SMAD7: variants seen among roughly 807,000 people sequenced by gnomAD.
The protein encoded by SMAD7 is MAD (mothers against decapentaplegic, Drosophila) homolog 7.
In SMAD7, 8 loss-of-function variants were observed where a neutral mutation model predicts 38.7. That is an observed-to-expected ratio of 0.21 (90% CI 0.12 to 0.37). SMAD7 has a LOEUF of 0.37. SMAD7 is among the 10% of genes least tolerant of loss of function. The pLI is 1.00. For missense variants in SMAD7, 477 were observed against 577.9 expected (o/e 0.83, Z 1.79); for synonymous variants, 327 against 265.1 (o/e 1.23, Z -2.27).
At chr18:48,941,810 C>T (rs1599232875) in intron 3 of SMAD7, among the ~76,000 whole-genome samples, 1 of 152,194 alleles carries the variant, frequency 6.6e-6, no homozygotes, top group Non-Finnish European at 1.5e-5. Context: ...TCTGGCTACC[C>T]CGTGCCTGTC....
At chr18:48,948,318 G>T in intron 2 of SMAD7, 66 bp downstream of exon 2, 1 of 1,183,294 alleles carries the variant, frequency 8.5e-7, no homozygotes, top group Non-Finnish European at 1.2e-6. Flanking sequence ...CACACAAAAA[G>T]CCACGTTCTA....
intron 3 of SMAD7, among the ~76,000 whole-genome samples, chr18:48,929,569 T>TCTCTCTCTCTCTCACACACACA (rs3082710): frequency 8.7e-6 from 1 of 114,626 alleles, no homozygotes; most frequent in African/African-American, 3.5e-5. Context: ...TCTCTCTCTC[T>TCTCTCTCTCTCTCACACACACA]CACTCACACA....
rs74357758 is a variant in SMAD7, at chr18:48,945,630, G to A, written c.667+2754C>T. On this transcript the variant is annotated intron_variant, in intron 2 of 3. Coordinates refer to ENST00000262158, the MANE Select transcript of SMAD7 (RefSeq NM_005904.4). ...GCCTAGAAAAGTTAAGAGGGACCTC[G>A]GTTAAGAGAGAAACGCAGTGCCAGA... 1.1e-3 allele frequency among the ~76,000 whole-genome samples: 171 copies of A among 152,228 alleles called. 4 individuals are homozygous for A. In the East Asian group the frequency reaches 0.029, roughly 26 times the overall value.
intron 3 of SMAD7, among the ~76,000 whole-genome samples, chr18:48,922,852 G>A (rs372093875): frequency 2.0e-5 from 3 of 152,048 alleles, no homozygotes; most frequent in Non-Finnish European, 4.4e-5. Context: ...TGCAGGCCCC[G>A]CCCCGCTTCC....
chr18:48,939,258 C>T (rs976105409), intron 3 of SMAD7, among the ~76,000 whole-genome samples: 1 of 150,870 alleles, frequency 6.6e-6, no homozygotes, highest in African/African-American at 2.4e-5. Context: ...AAAGTACAAT[C>T]TCCTGGAAGC....
chr18:48,923,848 C>T (rs945195784), intron 3 of SMAD7, among the ~76,000 whole-genome samples: 3 of 152,164 alleles, frequency 2.0e-5, no homozygotes, highest in African/African-American at 4.8e-5. Flanking sequence ...TGTGCACATA[C>T]GTACTGGAAC....
At position 48,942,572 on chromosome 18, in the gene SMAD7, G is replaced by T; in HGVS notation, c.668-17C>A. 1 of 1,613,544 alleles carries T rather than the reference G, an allele frequency of 6.2e-7. No individual in the cohort carries two copies. Among genetic ancestry groups the T allele is most frequent in the Non-Finnish European group, 8.5e-7 (1 of 1,179,728 alleles). On this transcript the variant is annotated splice_polypyrimidine_tract_variant and intron_variant, in intron 2 of 3. Transcript: ENST00000262158. ...GACAGTCTGCTGTGGATTTGAAAAG[G>T]GGAGAGAAAGAAATAAATACACAAA...
intron 3 of SMAD7, among the ~76,000 whole-genome samples, chr18:48,923,578 C>T (rs2143755825): frequency 6.6e-6 from 1 of 152,298 alleles, no homozygotes; most frequent in South Asian, 2.1e-4. Context: ...CAGCCACAGA[C>T]ACACACACCC....
At chr18:48,932,648 CAGAGAA>C in intron 3 of SMAD7, among the ~76,000 whole-genome samples, 1 of 152,276 alleles carries the variant, frequency 6.6e-6, no homozygotes, top group East Asian at 1.9e-4. Context: ...GGGGAACAGA[CAGAGAA>C]GGATGAATGT....
rs980170531 is a variant in SMAD7, at chr18:48,950,499, G to A, written c.-75C>T. On this transcript the variant is annotated 5_prime_UTR_variant, in exon 1 of 4. Transcript: ENST00000262158. The stretch of plus-strand genomic sequence containing the variant: ...CATGACCTCCGCACACCATGAAGAA[G>A]TCGGGCGCCGAGTTGGGGCAGCAGG... 7.1e-6 allele frequency: 10 copies of A among 1,401,988 alleles called. No individual in the cohort carries two copies. Among genetic ancestry groups the A allele is most frequent in the African/African-American group, 4.5e-5 (3 of 66,372 alleles). The allele number at this position is 1,401,988 out of a possible 1,614,324, so 86.8% of individuals were successfully genotyped here.
intron 3 of SMAD7, among the ~76,000 whole-genome samples, chr18:48,940,689 T>C (rs2070127893): frequency 6.6e-6 from 1 of 151,730 alleles, no homozygotes; most frequent in South Asian, 2.1e-4. Flanking sequence ...GAGGTGGAGG[T>C]TGCAGTGAGC....
intron 3 of SMAD7, among the ~76,000 whole-genome samples, chr18:48,931,159 G>C (rs2069995766): frequency 6.6e-6 from 1 of 152,160 alleles, no homozygotes; most frequent in South Asian, 2.1e-4. Context: ...CAAGTGCTGG[G>C]GGAGGGGAGA....
At chr18:48,942,674 C>G in intron 2 of SMAD7, 119 bp from the exon 3 acceptor site, 1 of 1,572,902 alleles carries the variant, frequency 6.4e-7, no homozygotes, top group Non-Finnish European at 8.6e-7. Context: ...AAGGCTGACT[C>G]GCGGCCTTGA....
chr18:48,932,228 T>C (rs1294298958), intron 3 of SMAD7, among the ~76,000 whole-genome samples: 2 of 152,088 alleles, frequency 1.3e-5, no homozygotes, highest in Admixed American at 6.5e-5. Flanking sequence ...AACAGCTTCA[T>C]GAGGTGACTG....
chr18:48,948,807 G>A (rs1433434738), intron 1 of SMAD7, among the ~76,000 whole-genome samples: 1 of 152,214 alleles, frequency 6.6e-6, no homozygotes, highest in Non-Finnish European at 1.5e-5. Flanking sequence ...CCCCGCCCCG[G>A]CCCGCCCCCC....
Position 48,950,540 on chromosome 18 carries a change from C to A in SMAD7, c.-116G>T. On this transcript the variant is annotated 5_prime_UTR_variant, in exon 1 of 4. Coordinates refer to ENST00000262158, the MANE Select transcript of SMAD7 (RefSeq NM_005904.4). ...GGGCAGCAGGCGCAGGCGACAGCAG[C>A]AGCAGCAGGGGCCCGGGCAGGAGCG... 1 of 1,012,868 alleles carries A rather than the reference C, an allele frequency of 9.9e-7. No homozygotes were observed. Among genetic ancestry groups the A allele is most frequent in the Non-Finnish European group, 1.4e-6 (1 of 733,682 alleles). 62.7% of individuals were successfully genotyped at this position (1,012,868 alleles called of 1,614,324 possible).
In SMAD7 at chr18:48,942,480, C is replaced by A; in HGVS notation, c.742+1G>T. ...CAGGAAAATAAGAGAAAGCATCTTA[C>A]CTGAAAGCCCCCCAGGGGCCAGATA... is the stretch of plus-strand genomic sequence containing the variant. On this transcript the variant is annotated splice_donor_variant, in intron 3 of 3. Coordinates refer to ENST00000262158, the MANE Select transcript of SMAD7 (RefSeq NM_005904.4). LOFTEE classifies it high-confidence loss of function. 1.3e-6 allele frequency: 2 copies of A among 1,569,758 alleles called. No homozygotes were observed. Among genetic ancestry groups the A allele is most frequent in the Non-Finnish European group, 1.7e-6 (2 of 1,160,800 alleles).
chr18:48,948,551 G>T, intron 1 of SMAD7, 114 bp from the exon 2 acceptor site: 1 of 704,356 alleles, frequency 1.4e-6, no homozygotes. Flanking sequence ...TGTGGGGGTT[G>T]GAGGCAGGGC....
At chr18:48,948,297 G>T (rs982276152) in intron 2 of SMAD7, 87 bp downstream of exon 2, 2 of 857,806 alleles carry the variant, frequency 2.3e-6, no homozygotes, top group African/African-American at 3.5e-5. Context: ...ACCTCCCCAA[G>T]CCTTTGCCTA....
Sources: gnomAD v4.1 joint callset for allele counts (sites outside exome capture counted in the v4.1 genomes callset) on GRCh38, gnomAD v4.1.1 for gene constraint, MANE v1.5 for transcripts, NCBI Gene and HGNC (gene_info 2026-07-23, HGNC 2026-07-21) for gene names.